Variants in TNNI3K observed in about 807,000 individuals in gnomAD.
TNNI3K encodes the protein serine/threonine-protein kinase TNNI3K.
A neutral mutation model predicts 114.5 loss-of-function variants in TNNI3K; 140 were observed. The ratio of observed to expected loss-of-function variants is 1.22; its 90% CI spans 1.07 to 1.41. The LOEUF is 1.41. TNNI3K is among the 40% of genes most tolerant of loss of function. The probability of loss-of-function intolerance (pLI) is 0.00; values close to 1 mark genes in which losing one functional copy is unlikely to be tolerated. For synonymous variants in TNNI3K, 347 were observed against 347.5 expected (o/e 1.00, Z 0.02); for missense variants, 1,125 against 1,007.6 (o/e 1.12, Z -1.58).
At chr1:74,543,784 C>G (rs2100472066) in intron 24 of TNNI3K, 122 bp from the exon 25 acceptor site, 4 of 1,085,718 alleles carry the variant, frequency 3.7e-6, no homozygotes, top group South Asian at 2.8e-5. Flanking sequence ...TCACCAGCAA[C>G]CGTTGTCCAG....
intron 5 of TNNI3K, among the ~76,000 whole-genome samples, chr1:74,278,177 G>GT (rs1289040115): frequency 6.6e-6 from 1 of 152,074 alleles, no homozygotes; most frequent in Non-Finnish European, 1.5e-5. Flanking sequence ...GTAGTCATGA[G>GT]TTTTTTACCT....
rs1365145325 is a variant in TNNI3K at position 74,249,486 on chromosome 1, T to C, written c.177T>C (p.Asn59=). The C allele has an allele frequency of 8.1e-6, 13 of 1,613,704 alleles. No individual in the cohort carries two copies. Among genetic ancestry groups the C allele is most frequent in the Non-Finnish European group, 1.1e-5 (13 of 1,179,804 alleles). The change falls in exon 3 of 25, where the codon AAT becomes AAC. Residue 59 remains asparagine, a synonymous_variant. Coordinates refer to ENST00000326637, the MANE Select transcript of TNNI3K (RefSeq NM_015978.3). Reference sequence around the variant, plus strand: ...CTGATGAAGCCTTCAGTAAAGTCAATTTAAATTACCGCACTGAAAATGGGC... The same window carrying C: ...CTGATGAAGCCTTCAGTAAAGTCAACTTAAATTACCGCACTGAAAATGGGC... ...FGSDEAFSKV[N]LNYRTENGLS... is the part of the protein sequence containing the mutation.
chr1:74,456,832 G>C (rs1667246140), intron 20 of TNNI3K, among the ~76,000 whole-genome samples: 1 of 152,112 alleles, frequency 6.6e-6, no homozygotes, highest in African/African-American at 2.4e-5. Flanking sequence ...CTTTAACTCA[G>C]AGTTGCAAAC....
intron 4 of TNNI3K, among the ~76,000 whole-genome samples, chr1:74,264,935 G>T (rs1351266480): frequency 6.6e-6 from 1 of 151,940 alleles, no homozygotes; most frequent in Non-Finnish European, 1.5e-5. Flanking sequence ...ATCTTGTAAG[G>T]TAAGTAAGGT....
intron 17 of TNNI3K, among the ~76,000 whole-genome samples, chr1:74,432,742 G>T (rs1381197412): frequency 2.6e-5 from 4 of 151,940 alleles, no homozygotes; most frequent in African/African-American, 9.7e-5. Context: ...GGCACTAGCT[G>T]GTAGGCCTGA....
intron 17 of TNNI3K, among the ~76,000 whole-genome samples, chr1:74,395,612 G>T (rs1298254207): frequency 6.6e-6 from 1 of 152,174 alleles, no homozygotes; most frequent in Non-Finnish European, 1.5e-5. Flanking sequence ...TGACTGAGAT[G>T]TATCTAAGAT....
chr1:74,521,036 C>G (rs537073947), intron 23 of TNNI3K, among the ~76,000 whole-genome samples: 1 of 152,234 alleles, frequency 6.6e-6, no homozygotes, highest in South Asian at 2.1e-4. Flanking sequence ...CTCTGGTTGC[C>G]CTGACTGGAC....
intron 4 of TNNI3K, among the ~76,000 whole-genome samples, chr1:74,257,530 TTA>T (rs1655392039): frequency 6.6e-6 from 1 of 152,054 alleles, no homozygotes; most frequent in South Asian, 2.1e-4. Context: ...TGAGTTTTTT[TTA>T]TGTTTGTTTT....
At chr1:74,537,726 C>A (rs1165138233) in intron 23 of TNNI3K, among the ~76,000 whole-genome samples, 1 of 152,064 alleles carries the variant, frequency 6.6e-6, no homozygotes, top group Non-Finnish European at 1.5e-5. Flanking sequence ...TACCCTAAGG[C>A]AGATTCTGAT....
At chr1:74,478,209 T>C (rs1382239119) in intron 21 of TNNI3K, among the ~76,000 whole-genome samples, 1 of 152,046 alleles carries the variant, frequency 6.6e-6, no homozygotes, top group Non-Finnish European at 1.5e-5. Context: ...AAAATCAGAG[T>C]CTTTTTAAAG....
chr1:74,297,451 T>C (rs907248362), intron 5 of TNNI3K, among the ~76,000 whole-genome samples: 1 of 151,964 alleles, frequency 6.6e-6, no homozygotes, highest in African/African-American at 2.4e-5. Context: ...CTCTTGGCCA[T>C]GTGAGGAAAC....
intron 21 of TNNI3K, among the ~76,000 whole-genome samples, chr1:74,476,399 T>C (rs1174556982): frequency 6.6e-6 from 1 of 152,132 alleles, no homozygotes; most frequent in Non-Finnish European, 1.5e-5. Context: ...TGATTTCCCT[T>C]GTTTTTTCAC....
chr1:74,389,720 T>G (rs1009019525), intron 17 of TNNI3K, among the ~76,000 whole-genome samples: 17 of 152,198 alleles, frequency 1.1e-4, no homozygotes, highest in African/African-American at 3.9e-4. Flanking sequence ...TAGAAAGTGT[T>G]GAAAAACTGT....
intron 17 of TNNI3K, among the ~76,000 whole-genome samples, chr1:74,399,367 A>G (rs1664248666): frequency 6.6e-6 from 1 of 152,060 alleles, no homozygotes; most frequent in African/African-American, 2.4e-5. Context: ...GAAATTATAT[A>G]CTGGACCTAT....
At chr1:74,450,403 A>G (rs905528346) in intron 20 of TNNI3K, among the ~76,000 whole-genome samples, 3 of 152,172 alleles carry the variant, frequency 2.0e-5, no homozygotes, top group Non-Finnish European at 4.4e-5. Context: ...AATAACTAAA[A>G]TCAGAGCAGA....
intron 7 of TNNI3K, among the ~76,000 whole-genome samples, chr1:74,337,186 G>T (rs1196687746): frequency 9.9e-5 from 15 of 152,214 alleles, no homozygotes; most frequent in South Asian, 4.1e-4. Flanking sequence ...CACCCACTTT[G>T]TGATGGGGTT....
intron 23 of TNNI3K, among the ~76,000 whole-genome samples, chr1:74,500,433 C>T (rs1410104617): frequency 2.6e-5 from 4 of 151,266 alleles, no homozygotes; most frequent in Non-Finnish European, 4.4e-5. Context: ...GAAACCCCGT[C>T]TCTACTAAAA....
chr1:74,330,244 C>A (rs900514647), intron 5 of TNNI3K, among the ~76,000 whole-genome samples: 1 of 151,998 alleles, frequency 6.6e-6, no homozygotes, highest in Non-Finnish European at 1.5e-5. Context: ...TATAGGAACT[C>A]TTTGCTCTCC....
intron 21 of TNNI3K, among the ~76,000 whole-genome samples, chr1:74,474,619 G>T (rs956459784): frequency 6.6e-6 from 1 of 152,126 alleles, no homozygotes; most frequent in Non-Finnish European, 1.5e-5. Flanking sequence ...TCACTGCTGA[G>T]CCTGAATGCG....
Sources: gnomAD v4.1 joint callset for allele counts (sites outside exome capture counted in the v4.1 genomes callset) on GRCh38, gnomAD v4.1.1 for gene constraint, MANE v1.5 for transcripts, NCBI Gene and HGNC (gene_info 2026-07-23, HGNC 2026-07-21) for gene names.